The following SNX27 variants were observed in gnomAD, a reference collection of about 807,000 sequenced individuals.
SNX27 encodes the protein sorting nexin 27.
In SNX27, 22 loss-of-function variants were observed where a neutral mutation model predicts 71.6. The observed-to-expected ratio is 0.31, with a 90% CI of 0.22 to 0.44. The LOEUF (loss-of-function observed/expected upper bound fraction) is 0.44. SNX27 is among the 20% of genes least tolerant of loss of function. SNX27 has a pLI of 1.00. For synonymous variants in SNX27, 269 were observed against 277.2 expected, an observed-to-expected ratio of 0.97 and a Z score of 0.29; for missense variants, 531 against 698.6, an observed-to-expected ratio of 0.76 and a Z score of 2.70.
chr1:151,629,785 G>C (rs1668130553), intron 1 of SNX27, among the ~76,000 whole-genome samples: 1 of 151,654 alleles, frequency 6.6e-6, no homozygotes, highest in East Asian at 2.0e-4. Flanking sequence ...TACCATGTTG[G>C]CCAGGCTGGC....
chr1:151,618,152 A>G (rs1033941779), intron 1 of SNX27, among the ~76,000 whole-genome samples: 4 of 151,684 alleles, frequency 2.6e-5, no homozygotes, highest in African/African-American at 9.7e-5. Context: ...AGGCTTGAGC[A>G]CCTGGCTGCT....
At chr1:151,627,860 C>A (rs1350901423) in intron 1 of SNX27, among the ~76,000 whole-genome samples, 1 of 152,172 alleles carries the variant, frequency 6.6e-6, no homozygotes, top group Non-Finnish European at 1.5e-5. Context: ...TCATCCTTAT[C>A]TTCTCCACAG....
intron 7 of SNX27, chr1:151,675,941 C>T (rs1670677452): frequency 6.8e-6 from 1 of 146,316 alleles, no homozygotes; most frequent in Non-Finnish European, 1.5e-5. Flanking sequence ...ATCCTGCCAC[C>T]TTAGCCTCCC....
intron 8 of SNX27, among the ~76,000 whole-genome samples, chr1:151,684,240 C>T (rs144592601): frequency 0.011 from 1,646 of 152,152 alleles, 11 homozygotes; most frequent in Non-Finnish European, 0.016. Context: ...AGCTACTAGA[C>T]TCATGTAGGT....
chr1:151,640,026 T>G (rs980725422), intron 2 of SNX27, among the ~76,000 whole-genome samples: 1 of 152,220 alleles, frequency 6.6e-6, no homozygotes, highest in Non-Finnish European at 1.5e-5. Flanking sequence ...AACGAGCTAC[T>G]AAACATTTAT....
intron 1 of SNX27, among the ~76,000 whole-genome samples, chr1:151,613,582 C>A (rs1667293387): frequency 6.6e-6 from 1 of 151,968 alleles, no homozygotes; most frequent in South Asian, 2.1e-4. Flanking sequence ...TTTTTTAAGG[C>A]GCCTTCTGCT....
At position 151,612,294 on chromosome 1, in the gene SNX27, C is replaced by T. The variant is rs1667211290; in HGVS notation, c.93C>T (p.Ala31=). The T allele has an allele frequency of 3.3e-6, 5 of 1,512,768 alleles. No homozygotes were observed. Among genetic ancestry groups the T allele is most frequent in the Non-Finnish European group, 3.5e-6 (4 of 1,133,220 alleles). The allele number at this position is 1,512,768 out of a possible 1,614,324, so 93.7% of individuals were successfully genotyped here. A position where few individuals can be genotyped will look rare whatever the true frequency, so the allele number is the denominator to read the frequency against. ...GGGGGSGLHC[A]GNGGGGGGGP... ...GCGGGGGGTCTGGGCTCCACTGCGC[C>T]GGGAACGGCGGCGGGGGAGGCGGCG... The change falls in exon 1 of 12, where the codon GCC becomes GCT. Residue 31 remains alanine, a synonymous_variant. Transcript: ENST00000458013. This position sits in a 1 kb window ranked among gnomAD's most constrained non-coding sequence, Gnocchi z 5.2.
intron 2 of SNX27, among the ~76,000 whole-genome samples, chr1:151,649,588 A>G (rs1408643343): frequency 6.6e-6 from 1 of 152,180 alleles, no homozygotes; most frequent in Non-Finnish European, 1.5e-5. Context: ...GTCTCAATTT[A>G]AAACAAAATC....
At position 151,699,075 on chromosome 1, in the gene SNX27, C is replaced by G. The variant is rs1168988957; in HGVS notation, c.*4658C>G. ...CTTTTAAATAAATTGATTTATTGAT[C>G]AAACACTTCTTTGGTTTCCTAGACT... On this transcript the variant is annotated 3_prime_UTR_variant, in exon 12 of 12. Coordinates refer to ENST00000458013, the MANE Select transcript of SNX27 (RefSeq NM_001330723.2). 1.3e-5 allele frequency: 2 copies of G among 152,574 alleles called. No individual in the cohort carries two copies. The highest frequency in any genetic ancestry group is 6.5e-5 in the Admixed American group (1 of 15,280). The allele number at this position is 152,574 out of a possible 1,614,324, so 9.5% of individuals were successfully genotyped here.
At chr1:151,618,998 C>T (rs1232666294) in intron 1 of SNX27, among the ~76,000 whole-genome samples, 1 of 144,674 alleles carries the variant, frequency 6.9e-6, no homozygotes, top group African/African-American at 2.5e-5. Flanking sequence ...TACATTATAA[C>T]CTAATATATA....
intron 7 of SNX27, chr1:151,669,463 A>T (rs1347021266): frequency 6.6e-6 from 1 of 152,044 alleles, no homozygotes; most frequent in Non-Finnish European, 1.5e-5. Context: ...CATACTCTTC[A>T]CCAGTTGTCT....
At chr1:151,625,784 CAAAA>C (rs773796738) in intron 1 of SNX27, among the ~76,000 whole-genome samples, 3 of 83,228 alleles carry the variant, frequency 3.6e-5, no homozygotes, top group Non-Finnish European at 5.0e-5. Flanking sequence ...ACTCTGTGTC[CAAAA>C]AAAAAAAAAA....
chr1:151,650,753 C>T (rs906416126), intron 2 of SNX27, among the ~76,000 whole-genome samples: 1 of 150,202 alleles, frequency 6.7e-6, no homozygotes, highest in Non-Finnish European at 1.5e-5. Context: ...CTGCGGCCTT[C>T]CGCAGTGTTT....
At chr1:151,669,046 T>C (rs1438623265) in intron 7 of SNX27, 1 of 153,672 alleles carries the variant, frequency 6.5e-6, no homozygotes, top group Non-Finnish European at 1.4e-5. Context: ...CTCTTTTAGC[T>C]CTTGTTTTTT....
At chr1:151,691,818 T>A (rs994126283) in intron 8 of SNX27, among the ~76,000 whole-genome samples, 1 of 151,842 alleles carries the variant, frequency 6.6e-6, no homozygotes, top group Non-Finnish European at 1.5e-5. Flanking sequence ...CTGGCCTGTA[T>A]CTTTTTGAAG....
intron 1 of SNX27, among the ~76,000 whole-genome samples, chr1:151,638,294 A>C (rs1177506070): frequency 1.3e-5 from 2 of 152,238 alleles, no homozygotes; most frequent in Non-Finnish European, 2.9e-5. Context: ...GAGTAATACC[A>C]TTTAGCTCCC....
At chr1:151,693,225 T>C (rs1671539717) in intron 10 of SNX27, 186 bp downstream of exon 10, 3 of 966,382 alleles carry the variant, frequency 3.1e-6, no homozygotes, top group African/African-American at 3.3e-5. Context: ...GGCAATTTCC[T>C]ATCCCACTTG....
chr1:151,614,849 A>G (rs1667355506), intron 1 of SNX27, among the ~76,000 whole-genome samples: 1 of 152,250 alleles, frequency 6.6e-6, no homozygotes, highest in Non-Finnish European at 1.5e-5. Flanking sequence ...ACCAAAAAGA[A>G]TAATTCTGTA....
rs746040421 is a variant in SNX27 at position 151,637,508 on chromosome 1, CTGAA to C, written c.312-1374_312-1371del. Among the ~76,000 whole-genome samples, 5 of 152,286 alleles carry C rather than the reference CTGAA, an allele frequency of 3.3e-5. 1 individual carries two copies. Among genetic ancestry groups the C allele is most frequent in the Non-Finnish European group, 7.4e-5 (5 of 68,022 alleles). ...TCATGTTTTTTGATCACAGGTCTGA[CTGAA>C]TGAATTCAAAGCCCAAGTTTCCATC... On this transcript the variant is annotated intron_variant, in intron 1 of 11. Transcript: ENST00000458013.
Sources: gnomAD v4.1 joint callset for allele counts (sites outside exome capture counted in the v4.1 genomes callset) on GRCh38, gnomAD v4.1.1 for gene constraint, Gnocchi (gnomAD v3.1) non-coding constraint, MANE v1.5 for transcripts, NCBI Gene and HGNC (gene_info 2026-07-23, HGNC 2026-07-21) for gene names.